The following SH3RF3 variants were observed in gnomAD, a reference collection of about 807,000 sequenced individuals.
SH3RF3 encodes E3 ubiquitin-protein ligase SH3RF3.
A neutral mutation model predicts 66.3 loss-of-function variants in SH3RF3; 29 were observed. The observed-to-expected ratio is 0.44, with a 90% CI of 0.33 to 0.60. The LOEUF (loss-of-function observed/expected upper bound fraction) is 0.60, where lower values mean the gene tolerates loss of function less well. Among genes scored for constraint, SH3RF3 ranks in the 20% least tolerant of loss-of-function variants. The pLI is 0.04. For missense variants in SH3RF3, 1,194 were observed against 1,190.9 expected (o/e 1.00, Z -0.04); for synonymous variants, 583 against 532.0 (o/e 1.10, Z -1.32).
rs1041378777 is a variant in SH3RF3 at position 109,192,635 on chromosome 2, G to T, written c.573+62522G>T. ...GAGAGAAGCTGGAAGTAAATATACA[G>T]AAGGTAATGCAAATAGGCCTTCCAA... On this transcript the variant is annotated intron_variant, in intron 1 of 9. Transcript: ENST00000309415. Among the ~76,000 whole-genome samples, 9 of 152,310 alleles carry T rather than the reference G, an allele frequency of 5.9e-5. No individual in the cohort carries two copies. In the East Asian group the frequency reaches 1.7e-3, roughly 29 times the overall value.
intron 2 of SH3RF3, among the ~76,000 whole-genome samples, chr2:109,350,674 C>T (rs1035454395): frequency 6.6e-6 from 1 of 152,216 alleles, no homozygotes; most frequent in African/African-American, 2.4e-5. Flanking sequence ...CACGGTGGGT[C>T]CGACCCACCT....
intron 1 of SH3RF3, among the ~76,000 whole-genome samples, chr2:109,244,924 G>A (rs1391670291): frequency 3.3e-5 from 5 of 152,206 alleles, no homozygotes; most frequent in African/African-American, 7.2e-5. Flanking sequence ...AAAGTTGGCT[G>A]GCCCTGAGCT....
intron 1 of SH3RF3, among the ~76,000 whole-genome samples, chr2:109,313,278 C>T (rs1480929363): frequency 1.3e-5 from 2 of 152,322 alleles, no homozygotes; most frequent in Non-Finnish European, 2.9e-5. Flanking sequence ...CAGGCCTTAC[C>T]CCAAACCTGC....
At chr2:109,343,932 T>C (rs1026449965) in intron 1 of SH3RF3, among the ~76,000 whole-genome samples, 1 of 152,048 alleles carries the variant, frequency 6.6e-6, no homozygotes, top group Non-Finnish European at 1.5e-5. Context: ...TTTTTAGAGA[T>C]AGGGTCTCAG....
intron 1 of SH3RF3, among the ~76,000 whole-genome samples, chr2:109,256,604 G>A (rs997230775): frequency 9.9e-5 from 15 of 152,274 alleles, no homozygotes; most frequent in African/African-American, 3.1e-4. Flanking sequence ...TGAGAGCTTC[G>A]AGGGGATTTG....
rs147845580 is a variant in SH3RF3 at position 109,196,514 on chromosome 2, C to T, written c.573+66401C>T. Among the ~76,000 whole-genome samples the T allele has an allele frequency of 3.9e-5, 6 of 152,372 alleles. No individual in the cohort carries two copies. The East Asian group carries it at 1.2e-3, about 29-fold the overall frequency. The stretch of plus-strand genomic sequence containing the variant: ...CAGTCTGTTTCTAGAGTGTCTGGGA[C>T]CAGCTACTTAGCACCTGTGCTGAGA... On this transcript the variant is annotated intron_variant, in intron 1 of 9. Transcript: ENST00000309415.
chr2:109,357,281 A>G (rs1276371627), intron 2 of SH3RF3, among the ~76,000 whole-genome samples: 1 of 151,944 alleles, frequency 6.6e-6, no homozygotes, highest in Non-Finnish European at 1.5e-5. Flanking sequence ...TCCCAGGCTC[A>G]TGCCATTCTC....
intron 1 of SH3RF3, among the ~76,000 whole-genome samples, chr2:109,198,005 G>A (rs1461438731): frequency 2.6e-5 from 4 of 152,208 alleles, no homozygotes; most frequent in Non-Finnish European, 5.9e-5. Context: ...GAGTTGACCT[G>A]TAGTTAAGTA....
chr2:109,156,490 G>A (rs1332746519), intron 1 of SH3RF3, among the ~76,000 whole-genome samples: 1 of 151,840 alleles, frequency 6.6e-6, no homozygotes, highest in African/African-American at 2.4e-5. Flanking sequence ...TTGTTGTCCA[G>A]GCTGGAGTGC....
At chr2:109,409,205 T>C (rs929538000) in intron 4 of SH3RF3, among the ~76,000 whole-genome samples, 5 of 152,222 alleles carry the variant, frequency 3.3e-5, no homozygotes, top group Non-Finnish European at 5.9e-5. Flanking sequence ...CTTTCACTTT[T>C]TGGTTCCAGT....
chr2:109,380,208 C>T (rs1209948038), intron 3 of SH3RF3, among the ~76,000 whole-genome samples: 1 of 152,154 alleles, frequency 6.6e-6, no homozygotes, highest in African/African-American at 2.4e-5. Context: ...CCGGCTCGCC[C>T]TGATTTCTCT....
intron 3 of SH3RF3, among the ~76,000 whole-genome samples, chr2:109,391,784 A>G (rs538920702): frequency 6.6e-6 from 1 of 152,246 alleles, no homozygotes; most frequent in Admixed American, 6.5e-5. Context: ...TCTGTCCCAT[A>G]TGAGAATTTG....
intron 1 of SH3RF3, among the ~76,000 whole-genome samples, chr2:109,289,517 T>C (rs561472582): frequency 2.3e-4 from 35 of 152,260 alleles, no homozygotes; most frequent in African/African-American, 7.9e-4. Flanking sequence ...ACATTGTGTG[T>C]GGTGGAAATC....
chr2:109,192,611 A>G (rs1430154439), intron 1 of SH3RF3, among the ~76,000 whole-genome samples: 1 of 152,240 alleles, frequency 6.6e-6, no homozygotes, highest in East Asian at 1.9e-4. Flanking sequence ...TGAGATAAAG[A>G]GAGAAGCTGG....
intron 1 of SH3RF3, among the ~76,000 whole-genome samples, chr2:109,249,733 C>T (rs553166533): frequency 2.0e-5 from 3 of 151,554 alleles, no homozygotes; most frequent in South Asian, 2.1e-4. Flanking sequence ...CTGCAAGCTC[C>T]GCAAGCTCCG....
intron 8 of SH3RF3, among the ~76,000 whole-genome samples, chr2:109,452,361 T>C (rs892154323): frequency 2.6e-5 from 4 of 152,206 alleles, no homozygotes; most frequent in Non-Finnish European, 4.4e-5. Context: ...TGTCTAATTA[T>C]GGCAAAGGTT....
At chr2:109,331,508 T>C (rs1682285719) in intron 1 of SH3RF3, among the ~76,000 whole-genome samples, 1 of 152,074 alleles carries the variant, frequency 6.6e-6, no homozygotes, top group African/African-American at 2.4e-5. Flanking sequence ...TCAGGCCCTT[T>C]CTCACCCTCC....
chr2:109,335,916 G>A (rs1682409125), intron 1 of SH3RF3, among the ~76,000 whole-genome samples: 1 of 152,196 alleles, frequency 6.6e-6, no homozygotes, highest in South Asian at 2.1e-4. Context: ...GAATGAAGCA[G>A]CTCAACAAAA....
At chr2:109,416,767 G>A (rs552099380) in intron 4 of SH3RF3, among the ~76,000 whole-genome samples, 54 of 152,130 alleles carry the variant, frequency 3.5e-4, no homozygotes, top group African/African-American at 1.1e-3. Flanking sequence ...TTAGCCGGGG[G>A]TGGTATTGTG....
Sources: allele counts gnomAD v4.1 joint callset (sites outside exome capture counted in the v4.1 genomes callset), GRCh38; gene constraint gnomAD v4.1.1; transcripts MANE v1.5; gene names NCBI Gene and HGNC (gene_info 2026-07-23, HGNC 2026-07-21).